Variants in UNC79 observed in about 807,000 individuals in gnomAD.
The protein encoded by UNC79 is protein unc-79 homolog.
Under a neutral mutation model 283.1 loss-of-function variants are expected in UNC79, and 37 were observed. The observed-to-expected ratio is 0.13, with a 90% CI of 0.10 to 0.17. UNC79 has a LOEUF of 0.17. UNC79 is among the 10% of genes least tolerant of loss of function. The pLI is 1.00. For synonymous variants in UNC79, 1,107 were observed against 1,200.2 expected (o/e 0.92, Z 1.61); for missense variants, 2,272 against 3,211.1 (o/e 0.71, Z 7.07).
chr14:93,605,860 G>T (rs1055955163), intron 26 of UNC79, among the ~76,000 whole-genome samples: 8 of 152,236 alleles, frequency 5.3e-5, no homozygotes, highest in African/African-American at 1.9e-4. Context: ...GCAGATGGTG[G>T]CCAAAGTCTT....
chr14:93,440,951 A>T (rs893334152), intron 1 of UNC79, among the ~76,000 whole-genome samples: 7 of 152,050 alleles, frequency 4.6e-5, no homozygotes, highest in Non-Finnish European at 1.0e-4. Context: ...TATAAGATCT[A>T]CCTTGTAATG....
chr14:93,362,041 A>G (rs2054238694), intron 1 of UNC79, among the ~76,000 whole-genome samples: 1 of 152,196 alleles, frequency 6.6e-6, no homozygotes. Flanking sequence ...TAAAACCTAC[A>G]TAATCACGAT....
At chr14:93,588,565 C>T (rs1352758916) in intron 22 of UNC79, among the ~76,000 whole-genome samples, 1 of 151,636 alleles carries the variant, frequency 6.6e-6, no homozygotes, top group Non-Finnish European at 1.5e-5. Context: ...ACAGTGAAAC[C>T]CTGTCTTTAC....
chr14:93,555,816 A>G (rs1049116733), intron 14 of UNC79, among the ~76,000 whole-genome samples: 7 of 152,226 alleles, frequency 4.6e-5, no homozygotes, highest in African/African-American at 1.7e-4. Context: ...AAAAGGGACA[A>G]TTCTTAGGTG....
chr14:93,592,493 T>A (rs944032361), intron 22 of UNC79, among the ~76,000 whole-genome samples: 2 of 152,120 alleles, frequency 1.3e-5, no homozygotes, highest in African/African-American at 4.8e-5. Context: ...TTTCCTTAAA[T>A]TTTTTCACTA....
intron 31 of UNC79, among the ~76,000 whole-genome samples, chr14:93,636,844 A>G (rs2068549296): frequency 6.6e-6 from 1 of 152,108 alleles, no homozygotes; most frequent in Non-Finnish European, 1.5e-5. Context: ...GCCCCAAATG[A>G]TCACTTATGT....
chr14:93,352,015 A>G (rs2053988024), intron 1 of UNC79, among the ~76,000 whole-genome samples: 1 of 152,244 alleles, frequency 6.6e-6, no homozygotes, highest in Non-Finnish European at 1.5e-5. Context: ...TGGCCTAGCC[A>G]AGTTGACACA....
intron 26 of UNC79, among the ~76,000 whole-genome samples, chr14:93,603,990 A>T (rs1308813298): frequency 1.3e-5 from 2 of 152,318 alleles, no homozygotes; most frequent in East Asian, 1.9e-4. Flanking sequence ...CCAATATTTT[A>T]AAAAAGACCA....
At chr14:93,547,612 G>C (rs945922429) in intron 14 of UNC79, among the ~76,000 whole-genome samples, 6 of 152,092 alleles carry the variant, frequency 3.9e-5, no homozygotes, top group Non-Finnish European at 7.4e-5. Context: ...ACAATTGTAA[G>C]AAACAAAAAG....
exon 36 of UNC79, chr14:93,653,788 C>G: frequency 6.2e-7 from 1 of 1,613,914 alleles, no homozygotes; most frequent in Non-Finnish European, 8.5e-7. Context: ...GCAGTTCCTG[C>G]GCTGCATCTT....
intron 1 of UNC79, among the ~76,000 whole-genome samples, chr14:93,391,805 A>G (rs143442809): frequency 6.6e-6 from 1 of 152,332 alleles, no homozygotes; most frequent in African/African-American, 2.4e-5. Flanking sequence ...ATGATCAATG[A>G]CTTAAGCAGG....
intron 41 of UNC79, among the ~76,000 whole-genome samples, chr14:93,680,816 C>T (rs953214468): frequency 6.6e-6 from 1 of 152,082 alleles, no homozygotes; most frequent in African/African-American, 2.4e-5. Flanking sequence ...CCACACCTGG[C>T]CTAGATAGCT....
intron 1 of UNC79, among the ~76,000 whole-genome samples, chr14:93,420,401 G>A (rs1291001968): frequency 6.6e-6 from 1 of 151,602 alleles, no homozygotes; most frequent in Non-Finnish European, 1.5e-5. Context: ...GGTCAATTCA[G>A]CAAGAGGATA....
intron 42 of UNC79, 48 bp downstream of exon 45, chr14:93,682,742 T>C: frequency 1.3e-6 from 2 of 1,569,502 alleles, no homozygotes; most frequent in Non-Finnish European, 1.8e-6. Flanking sequence ...TTTCATAGAA[T>C]AGTAGTTAAG....
intron 1 of UNC79, among the ~76,000 whole-genome samples, chr14:93,393,014 A>G (rs4900182): frequency 0.83 from 125,651 of 152,182 alleles, 52,486 homozygotes; most frequent in African/African-American, 0.96. Context: ...CAAGATTGAG[A>G]GCACATCTGG....
At chr14:93,546,694 A>C (rs2061618049) in intron 14 of UNC79, among the ~76,000 whole-genome samples, 1 of 152,196 alleles carries the variant, frequency 6.6e-6, no homozygotes, top group African/African-American at 2.4e-5. Context: ...TGTTCTAAAC[A>C]AAAAACGATA....
At chr14:93,538,114 G>A in exon 12 of UNC79, 1 of 1,614,146 alleles carries the variant, frequency 6.2e-7, no homozygotes, top group African/African-American at 1.3e-5. Flanking sequence ...GTAATGAAGT[G>A]GGGGCCGCTG....
chr14:93,426,092 T>C (rs2055719770), upstream of UNC79, among the ~76,000 whole-genome samples: 1 of 152,188 alleles, frequency 6.6e-6, no homozygotes, highest in South Asian at 2.1e-4. Flanking sequence ...GTGTGCCAAA[T>C]ATGCCACTGC....
At chr14:93,675,216 G>A (rs2073232740) in intron 41 of UNC79, among the ~76,000 whole-genome samples, 1 of 152,184 alleles carries the variant, frequency 6.6e-6, no homozygotes, top group South Asian at 2.1e-4. Context: ...TGGGAATATA[G>A]AGATGTGACA....
Sources: allele counts gnomAD v4.1 joint callset (sites outside exome capture counted in the v4.1 genomes callset), GRCh38; gene constraint gnomAD v4.1.1; transcripts MANE v1.5; gene names NCBI Gene and HGNC (gene_info 2026-07-23, HGNC 2026-07-21).